The following HTATIP2 variants were observed in gnomAD, a reference collection of about 807,000 sequenced individuals.
HTATIP2 encodes protein HTATIP2.
Under a neutral mutation model 24.7 loss-of-function variants are expected in HTATIP2, and 26 were observed. That is an observed-to-expected ratio of 1.05 (90% CI 0.77 to 1.46). HTATIP2 has a LOEUF of 1.46. HTATIP2 is among the 40% of genes most tolerant of loss of function. The pLI is 0.00. For missense variants in HTATIP2, 284 were observed against 289.6 expected (o/e 0.98, Z 0.14); for synonymous variants, 99 against 113.2 (o/e 0.87, Z 0.79).
intron 1 of HTATIP2, among the ~76,000 whole-genome samples, chr11:20,365,222 C>T (rs548004217): frequency 3.3e-5 from 5 of 152,182 alleles, no homozygotes; most frequent in Non-Finnish European, 7.3e-5. Flanking sequence ...CTCTTGACCT[C>T]AGATGATGCT....
intron 1 of HTATIP2, among the ~76,000 whole-genome samples, chr11:20,365,250 A>G (rs1490009375): frequency 1.3e-5 from 2 of 152,094 alleles, no homozygotes; most frequent in African/African-American, 4.8e-5. Flanking sequence ...CAGCCTCCCA[A>G]AGTGCTGCGA....
intron 2 of HTATIP2, among the ~76,000 whole-genome samples, chr11:20,372,974 T>G (rs1411658031): frequency 6.6e-6 from 1 of 152,160 alleles, no homozygotes; most frequent in Non-Finnish European, 1.5e-5. Context: ...GGCCACGCCA[T>G]CAGGGTGACG....
chr11:20,382,699 T>C (rs1481882094), intron 4 of HTATIP2, among the ~76,000 whole-genome samples: 1 of 152,164 alleles, frequency 6.6e-6, no homozygotes, highest in African/African-American at 2.4e-5. Context: ...TCACATGGCC[T>C]TTCTTCTTAG....
Position 20,382,941 on chromosome 11 carries a change from C to T in HTATIP2, c.504-39C>T. Reference sequence around the variant, plus strand: ...GTCTCAGTGCAATTTACCACCTCTTCCTCTGCTTTTCTTTCTTTTTTTTTT... The same window carrying T: ...GTCTCAGTGCAATTTACCACCTCTTTCTCTGCTTTTCTTTCTTTTTTTTTT... On this transcript the variant is annotated intron_variant, in intron 4 of 4. Coordinates refer to ENST00000451739, the MANE Select transcript of HTATIP2 (RefSeq NM_001098522.2). 2.0e-6 allele frequency: 3 copies of T among 1,496,934 alleles called. No individual in the cohort carries two copies. The South Asian group carries it at 3.7e-5, about 18-fold the overall frequency. 92.7% of individuals were successfully genotyped at this position (1,496,934 alleles called of 1,614,324 possible).
intron 3 of HTATIP2, 68 bp downstream of exon 3, chr11:20,376,785 T>C: frequency 8.3e-7 from 1 of 1,202,916 alleles, no homozygotes; most frequent in Non-Finnish European, 1.2e-6. Context: ...CTAAAGAATA[T>C]AAAATATTAT....
intron 2 of HTATIP2, among the ~76,000 whole-genome samples, chr11:20,369,826 G>T (rs187740548): frequency 1.1e-3 from 168 of 152,216 alleles, no homozygotes; most frequent in Non-Finnish European, 1.8e-3. Context: ...TTCAACATAC[G>T]CATTTTGGGG....
intron 2 of HTATIP2, among the ~76,000 whole-genome samples, chr11:20,367,978 T>G (rs1447297615): frequency 6.6e-6 from 1 of 152,186 alleles, no homozygotes; most frequent in Non-Finnish European, 1.5e-5. Context: ...TAATTTATAC[T>G]TTGACTATAG....
chr11:20,366,762 A>T (rs1328497548), intron 1 of HTATIP2, among the ~76,000 whole-genome samples: 1 of 152,164 alleles, frequency 6.6e-6, no homozygotes, highest in East Asian at 1.9e-4. Flanking sequence ...ATGATGAATA[A>T]TTTGCCCGTA....
intron 2 of HTATIP2, among the ~76,000 whole-genome samples, chr11:20,370,689 G>A (rs2133268516): frequency 6.6e-6 from 1 of 152,148 alleles, no homozygotes; most frequent in African/African-American, 2.4e-5. Context: ...TCGCTCAGTT[G>A]CCCAGGCTAG....
At position 20,376,660 on chromosome 11, in the gene HTATIP2, C is replaced by T. The variant is rs1848451471; in HGVS notation, c.384C>T (p.Asn128=). The T allele has an allele frequency of 6.2e-7, 1 of 1,613,674 alleles. No homozygotes were observed. The highest frequency in any genetic ancestry group is 1.3e-5 in the African/African-American group (1 of 74,900). The stretch of plus-strand genomic sequence containing the variant: ...AAGCTGGAGGGTGCAAACATTTCAA[C>T]TTGCTATCCTCTAAAGGAGCTGATA... ...LAKAGGCKHF[N]LLSSKGADKS... The change falls in exon 3 of 5, where the codon AAC becomes AAT. Residue 128 remains asparagine (N), a synonymous_variant. Transcript: ENST00000451739.
At chr11:20,381,763 A>T (rs1848525011) in intron 3 of HTATIP2, among the ~76,000 whole-genome samples, 1 of 152,218 alleles carries the variant, frequency 6.6e-6, no homozygotes, top group Non-Finnish European at 1.5e-5. Flanking sequence ...AGTGAGTAAT[A>T]TAGTGGGTCT....
chr11:20,367,550 C>G (rs2064724455), intron 2 of HTATIP2: 1 of 1,419,968 alleles, frequency 7.0e-7, no homozygotes, highest in South Asian at 1.6e-5. Flanking sequence ...ATCGCTATCA[C>G]TACATCCCCT....
Position 20,383,762 on chromosome 11 carries a change from T to G in HTATIP2, c.*557T>G, listed in dbSNP as rs1293662476. Reference sequence around the variant, plus strand: ...ACATGGGGAGGATTAAATAAAGGAATAAAGATGAATGGACAACTCCTGGGT... The same window carrying G: ...ACATGGGGAGGATTAAATAAAGGAAGAAAGATGAATGGACAACTCCTGGGT... On this transcript the variant is annotated 3_prime_UTR_variant, in exon 5 of 5. Coordinates refer to ENST00000451739, the MANE Select transcript of HTATIP2 (RefSeq NM_001098522.2). 1 of 153,914 alleles carries G rather than the reference T, an allele frequency of 6.5e-6. No homozygotes were observed. The highest frequency in any genetic ancestry group is 2.4e-5 in the African/African-American group (1 of 41,432). The allele number at this position is 153,914 out of a possible 1,614,324, so 9.5% of individuals were successfully genotyped here.
At chr11:20,376,844 C>A in intron 3 of HTATIP2, 127 bp downstream of exon 3, 1 of 623,162 alleles carries the variant, frequency 1.6e-6, no homozygotes, top group Non-Finnish European at 2.6e-6. Context: ...TGTATGGCTA[C>A]GGGACTGCAG....
At chr11:20,382,126 C>A in intron 3 of HTATIP2, 52 bp from the exon 4 acceptor site, 1 of 1,091,790 alleles carries the variant, frequency 9.2e-7, no homozygotes, top group Non-Finnish European at 1.4e-6. Context: ...TTAAACTTCA[C>A]ACAGGTGAGC....
rs1345440411 is a variant in HTATIP2, at chr11:20,364,156, A to G, written c.-82A>G. On this transcript the variant is annotated 5_prime_UTR_variant, in exon 1 of 5. The change creates a new upstream start codon in the 5' untranslated region. Coordinates refer to ENST00000451739, the MANE Select transcript of HTATIP2 (RefSeq NM_001098522.2). ...AACAATATCCTCCTCCCTAACAGAT[A>G]AACAGCCCTTGTTCCTCGGGATAAG... 1.1e-5 allele frequency: 17 copies of G among 1,503,596 alleles called. No homozygotes were observed. In the East Asian group the frequency reaches 3.7e-4, roughly 33 times the overall value. 93.1% of individuals were successfully genotyped at this position (1,503,596 alleles called of 1,614,324 possible). A position where few individuals can be genotyped will look rare whatever the true frequency, so the allele number is the denominator to read the frequency against.
intron 2 of HTATIP2, among the ~76,000 whole-genome samples, chr11:20,373,658 G>A (rs2064795790): frequency 6.6e-6 from 1 of 152,148 alleles, no homozygotes; most frequent in Non-Finnish European, 1.5e-5. Flanking sequence ...GTGTCATTTT[G>A]TTGTGAATAA....
At chr11:20,370,453 G>C (rs1337282429) in intron 2 of HTATIP2, among the ~76,000 whole-genome samples, 1 of 152,170 alleles carries the variant, frequency 6.6e-6, no homozygotes, top group Non-Finnish European at 1.5e-5. Context: ...CAGAAGTCCA[G>C]GTTCTTGTTT....
At position 20,363,775 on chromosome 11, in the gene HTATIP2, A is replaced by ACC. The variant is rs375714821; in HGVS notation, c.-457_-456dup. The ACC allele has an allele frequency of 2.4e-5, 30 of 1,238,408 alleles. No individual in the cohort carries two copies. In the African/African-American group the frequency reaches 3.7e-4, roughly 15 times the overall value. The allele number at this position is 1,238,408 out of a possible 1,614,324, so 76.7% of individuals were successfully genotyped here. A position where few individuals can be genotyped will look rare whatever the true frequency, so the allele number is the denominator to read the frequency against. On this transcript the variant is annotated 5_prime_UTR_variant, in exon 1 of 5. Coordinates refer to ENST00000451739, the MANE Select transcript of HTATIP2 (RefSeq NM_001098522.2). ...GTAGGCGCTGTCTCCGTCGCCTCCAACCCCCCCGGTCCGACCAGGGAAGGT... is the reference window on the plus strand; with the variant it reads ...GTAGGCGCTGTCTCCGTCGCCTCCAACCCCCCCCCGGTCCGACCAGGGAAGGT...
Sources: allele counts gnomAD v4.1 joint callset (sites outside exome capture counted in the v4.1 genomes callset), GRCh38; gene constraint gnomAD v4.1.1; transcripts MANE v1.5; gene names NCBI Gene and HGNC (gene_info 2026-07-23, HGNC 2026-07-21).